Variants in HMGA2 observed in about 807,000 individuals in gnomAD.
HMGA2 encodes high mobility group AT-hook 2, also known as high mobility group protein HMGI-C.
HMGA2 carries 8 observed loss-of-function variants against 19.1 expected under a neutral mutation model. That is an observed-to-expected ratio of 0.42 (90% CI 0.25 to 0.76). The LOEUF is 0.76. Ranked by LOEUF, HMGA2 falls within the 30% of genes least tolerant of loss-of-function variation. The pLI is 0.28. For missense variants in HMGA2, 109 were observed against 136.3 expected, an observed-to-expected ratio of 0.80 and a Z score of 1.00; for synonymous variants, 60 against 48.8, an observed-to-expected ratio of 1.23 and a Z score of -0.96.
At chr12:65,861,479 G>A (rs1034044910) in intron 3 of HMGA2, among the ~76,000 whole-genome samples, 8 of 152,234 alleles carry the variant, frequency 5.3e-5, no homozygotes, top group South Asian at 2.1e-4. Flanking sequence ...GTATGTAAAC[G>A]TATTTCTTAT....
intron 2 of HMGA2, among the ~76,000 whole-genome samples, chr12:65,832,285 T>C (rs1181904921): frequency 2.0e-5 from 3 of 151,986 alleles, no homozygotes; most frequent in Non-Finnish European, 4.4e-5. Flanking sequence ...ATATGGGAGA[T>C]TGAAATACAT....
intron 3 of HMGA2, among the ~76,000 whole-genome samples, chr12:65,850,946 G>A (rs554151166): frequency 2.0e-5 from 3 of 152,214 alleles, no homozygotes; most frequent in Non-Finnish European, 2.9e-5. Context: ...CTCCTTTTAC[G>A]GTTCTTAGTC....
intron 3 of HMGA2, among the ~76,000 whole-genome samples, chr12:65,915,876 C>T (rs1409778727): frequency 6.6e-6 from 1 of 152,128 alleles, no homozygotes; most frequent in Non-Finnish European, 1.5e-5. Context: ...TTCATATTAA[C>T]GTTGCTTCCC....
chr12:65,903,535 C>T (rs991301911), intron 3 of HMGA2, among the ~76,000 whole-genome samples: 3 of 152,118 alleles, frequency 2.0e-5, no homozygotes, highest in Admixed American at 6.5e-5. Context: ...ACTGAGACAT[C>T]GCCGGGGAGG....
chr12:65,848,872 A>G (rs1871339702), intron 3 of HMGA2, among the ~76,000 whole-genome samples: 1 of 152,198 alleles, frequency 6.6e-6, no homozygotes. Context: ...CAAAAAAAAA[A>G]AAAGTTTAAG....
rs1592472416 is a variant in HMGA2 at position 65,965,685 on chromosome 12, A to G, written c.*2393A>G. 3 of 223,254 alleles carry G rather than the reference A, an allele frequency of 1.3e-5. No homozygotes were observed. Among genetic ancestry groups the G allele is most frequent in the Non-Finnish European group, 9.0e-6 (1 of 111,404 alleles). The allele number at this position is 223,254 out of a possible 1,614,324, so 13.8% of individuals were successfully genotyped here. A position where few individuals can be genotyped will look rare whatever the true frequency, so the allele number is the denominator to read the frequency against. ...ATATCTTTGGATGGGCCTTTTAGAA[A>G]CCTCATTGGCCAGCTCATAAAATGG... On this transcript the variant is annotated 3_prime_UTR_variant, in exon 5 of 5. Transcript: ENST00000403681.
intron 3 of HMGA2, among the ~76,000 whole-genome samples, chr12:65,839,917 G>A (rs1870922102): frequency 6.6e-6 from 1 of 152,146 alleles, no homozygotes; most frequent in Admixed American, 6.5e-5. Context: ...ATCCTTCTGG[G>A]AATATATAGA....
intron 3 of HMGA2, among the ~76,000 whole-genome samples, chr12:65,927,705 A>C (rs542331720): frequency 6.6e-6 from 1 of 152,132 alleles, no homozygotes; most frequent in East Asian, 1.9e-4. Flanking sequence ...ATTTTCGGCT[A>C]TCCAAATATC....
chr12:65,859,062 T>TCA (rs1871904843), intron 3 of HMGA2: 1 of 152,366 alleles, frequency 6.6e-6, no homozygotes, highest in Admixed American at 6.5e-5. Flanking sequence ...GAGCACTGGC[T>TCA]ATAAGCCAGA....
At chr12:65,928,330 C>A (rs1214776661) in intron 3 of HMGA2, among the ~76,000 whole-genome samples, 1 of 152,090 alleles carries the variant, frequency 6.6e-6, no homozygotes, top group African/African-American at 2.4e-5. Context: ...AGGGCACTTA[C>A]CATGGATGGA....
intron 3 of HMGA2, among the ~76,000 whole-genome samples, chr12:65,940,696 G>C (rs1039123740): frequency 6.6e-6 from 1 of 152,124 alleles, no homozygotes; most frequent in Non-Finnish European, 1.5e-5. Context: ...AGTGAGAAGG[G>C]AAAAAGATGT....
At chr12:65,886,084 C>T (rs932969947) in intron 3 of HMGA2, among the ~76,000 whole-genome samples, 1 of 152,114 alleles carries the variant, frequency 6.6e-6, no homozygotes, top group Non-Finnish European at 1.5e-5. Flanking sequence ...CTTACTTTCA[C>T]TTACAAAAAA....
chr12:65,885,020 C>G (rs1176725789), intron 3 of HMGA2, among the ~76,000 whole-genome samples: 1 of 152,120 alleles, frequency 6.6e-6, no homozygotes, highest in Non-Finnish European at 1.5e-5. Flanking sequence ...CTTCATCTCT[C>G]ATGTATACAA....
intron 3 of HMGA2, among the ~76,000 whole-genome samples, chr12:65,896,301 C>G (rs1489785577): frequency 6.6e-6 from 1 of 152,244 alleles, no homozygotes; most frequent in Non-Finnish European, 1.5e-5. Context: ...GCATTCCTCT[C>G]TGGAGTAGGC....
At chr12:65,915,901 C>T (rs751267566) in intron 3 of HMGA2, among the ~76,000 whole-genome samples, 1 of 152,176 alleles carries the variant, frequency 6.6e-6, no homozygotes, top group Admixed American at 6.5e-5. Flanking sequence ...TTCTCTACCA[C>T]GCCTCTAGAG....
chr12:65,845,982 C>T (rs12309680), intron 3 of HMGA2, among the ~76,000 whole-genome samples: 3,180 of 152,242 alleles, frequency 0.021, 122 homozygotes, highest in African/African-American at 0.069. Flanking sequence ...TGCTCATTAG[C>T]GCCTCCACCA....
intron 3 of HMGA2, chr12:65,859,381 T>G (rs1283610873): frequency 6.6e-6 from 1 of 152,222 alleles, no homozygotes; most frequent in Non-Finnish European, 1.5e-5. Context: ...CAGATTGTTC[T>G]TCCTCTGTCA....
Position 65,825,262 on chromosome 12 carries a change from G to A in HMGA2, c.-9G>A. 1 of 1,526,500 alleles carries A rather than the reference G, an allele frequency of 6.6e-7. No homozygotes were observed. Among genetic ancestry groups the A allele is most frequent in the South Asian group, 1.2e-5 (1 of 82,894 alleles). The allele number at this position is 1,526,500 out of a possible 1,614,324, so 94.6% of individuals were successfully genotyped here. A position where few individuals can be genotyped will look rare whatever the true frequency, so the allele number is the denominator to read the frequency against. On this transcript the variant is annotated 5_prime_UTR_variant, in exon 1 of 5. Transcript: ENST00000403681. This position sits in a 1 kb window ranked among gnomAD's most constrained non-coding sequence, Gnocchi z 4.4. ...GGCTGCAGCGGCGGTAGCGGCGGCG[G>A]GAGGCAGGATGAGCGCACGCGGTGA...
intron 3 of HMGA2, among the ~76,000 whole-genome samples, chr12:65,846,604 G>A (rs940962401): frequency 2.6e-5 from 4 of 152,352 alleles, no homozygotes; most frequent in East Asian, 3.9e-4. Flanking sequence ...GACAGAGATA[G>A]AGACGGAGGC....
Sources: allele counts gnomAD v4.1 joint callset (sites outside exome capture counted in the v4.1 genomes callset), GRCh38; gene constraint gnomAD v4.1.1; non-coding constraint Gnocchi (gnomAD v3.1); transcripts MANE v1.5; gene names NCBI Gene and HGNC (gene_info 2026-07-23, HGNC 2026-07-21).